Variants in TMEM131L observed in about 807,000 individuals in gnomAD.
TMEM131L encodes the protein transmembrane protein 131-like.
Under a neutral mutation model 192.2 loss-of-function variants are expected in TMEM131L, and 54 were observed. The observed-to-expected ratio is 0.28, with a 90% CI of 0.23 to 0.35. The LOEUF is 0.35. Among genes scored for constraint, TMEM131L ranks in the 10% least tolerant of loss-of-function variants. TMEM131L has a pLI of 1.00. For missense variants in TMEM131L, 1,888 were observed against 1,972.9 expected (o/e 0.96, Z 0.82); for synonymous variants, 701 against 704.9 (o/e 0.99, Z 0.09).
At chr4:153,486,738 A>G (rs1049690444) in intron 3 of TMEM131L, among the ~76,000 whole-genome samples, 1 of 152,140 alleles carries the variant, frequency 6.6e-6, no homozygotes, top group Non-Finnish European at 1.5e-5. Context: ...TTCACATCTT[A>G]CAGGTGGGTC....
At chr4:153,508,001 G>A (rs1335659396) in intron 3 of TMEM131L, among the ~76,000 whole-genome samples, 3 of 152,186 alleles carry the variant, frequency 2.0e-5, no homozygotes, top group African/African-American at 7.2e-5. Flanking sequence ...AAGACTGGAG[G>A]CAAGGAGACT....
chr4:153,601,996 G>A lies in TMEM131L; in HGVS notation c.2267-156G>A, dbSNP rs1261035998. 5 of 503,466 alleles carry A rather than the reference G, an allele frequency of 9.9e-6. No individual in the cohort carries two copies. The East Asian group carries it at 1.7e-4, about 17-fold the overall frequency. 31.2% of individuals were successfully genotyped at this position (503,466 alleles called of 1,614,324 possible). On this transcript the variant is annotated intron_variant, in intron 21 of 34. Coordinates refer to ENST00000409959, the MANE Select transcript of TMEM131L (RefSeq NM_001131007.2). ...GAATCTATAATTGTTCTAGAAATTA[G>A]GTAGAAATCATTCTTTGAGCTTATG...
At position 153,586,389 on chromosome 4, in the gene TMEM131L, A is replaced by G. The variant is rs375475458; in HGVS notation, c.1482+10A>G. 1.6e-4 allele frequency: 254 copies of G among 1,579,848 alleles called. No individual in the cohort carries two copies. Among genetic ancestry groups the G allele is most frequent in the Non-Finnish European group, 1.7e-4 (202 of 1,162,966 alleles). ...TTCAGCACCAACCAAGGTATTTTCT[A>G]CAATACTATATGTGTGTTACAGTTT... On this transcript the variant is annotated intron_variant, in intron 14 of 34. Transcript: ENST00000409959.
intron 28 of TMEM131L, 60 bp downstream of exon 28, chr4:153,621,909 A>T: frequency 6.6e-7 from 1 of 1,512,772 alleles, no homozygotes; most frequent in Non-Finnish European, 9.1e-7. Flanking sequence ...TTCCTCAATG[A>T]AGTATCTAAT....
intron 16 of TMEM131L, 53 bp from the exon 17 acceptor site, chr4:153,591,000 A>C (rs1731027928): frequency 8.0e-7 from 1 of 1,250,910 alleles, no homozygotes; most frequent in South Asian, 2.0e-5. Context: ...TTAAATATTA[A>C]ATTTTTAAAT....
intron 15 of TMEM131L, 121 bp downstream of exon 15, chr4:153,587,932 A>G (rs997900380): frequency 1.3e-6 from 1 of 762,406 alleles, no homozygotes; most frequent in African/African-American, 1.7e-5. Flanking sequence ...TTCTATAGAG[A>G]GGATGATCAT....
intron 7 of TMEM131L, among the ~76,000 whole-genome samples, chr4:153,566,589 A>AT (rs967112693): frequency 6.6e-6 from 1 of 151,650 alleles, no homozygotes; most frequent in African/African-American, 2.4e-5. Flanking sequence ...TGTCTAAGAG[A>AT]TTTTCTCTTA....
At chr4:153,581,095 T>C (rs1375258681) in intron 8 of TMEM131L, among the ~76,000 whole-genome samples, 192 bp downstream of exon 8, 11 of 152,012 alleles carry the variant, frequency 7.2e-5, no homozygotes, top group Admixed American at 7.2e-4. Flanking sequence ...CTACTAAAAA[T>C]ACAAAAAAAT....
intron 3 of TMEM131L, among the ~76,000 whole-genome samples, chr4:153,481,237 G>A (rs906364349): frequency 2.0e-5 from 3 of 152,040 alleles, no homozygotes; most frequent in Admixed American, 6.6e-5. Flanking sequence ...GCAGAAGGCC[G>A]TTACTCCTCT....
chr4:153,514,145 A>C (rs965703315), intron 3 of TMEM131L, among the ~76,000 whole-genome samples: 2 of 152,176 alleles, frequency 1.3e-5, no homozygotes, highest in Non-Finnish European at 2.9e-5. Context: ...GCCCTGGGTG[A>C]CCGTAGCCAA....
rs768388797 is a variant in TMEM131L at position 153,634,287 on chromosome 4, G to T, written c.4417+7G>T. 1.2e-5 allele frequency: 19 copies of T among 1,602,726 alleles called. No homozygotes were observed. The East Asian group carries it at 4.0e-4, about 34-fold the overall frequency. On this transcript the variant is annotated splice_region_variant and intron_variant, in intron 33 of 34. Transcript: ENST00000409959. ...TACAATGCCTTTCCAGAAGGTAAGGGCTCTTCAGACAATCCCAACGCCATT... is the reference window on the plus strand; with the variant it reads ...TACAATGCCTTTCCAGAAGGTAAGGTCTCTTCAGACAATCCCAACGCCATT...
At chr4:153,573,767 G>T (rs945556545) in intron 7 of TMEM131L, among the ~76,000 whole-genome samples, 4 of 152,106 alleles carry the variant, frequency 2.6e-5, no homozygotes, top group African/African-American at 9.7e-5. Flanking sequence ...GAAATAAAAA[G>T]AACTTGAAGT....
intron 7 of TMEM131L, among the ~76,000 whole-genome samples, chr4:153,565,337 A>G (rs1029309821): frequency 1.3e-5 from 2 of 152,196 alleles, no homozygotes; most frequent in African/African-American, 4.8e-5. Context: ...CATAACATCT[A>G]AGATTTGTAT....
intron 4 of TMEM131L, 130 bp downstream of exon 4, chr4:153,550,271 C>T (rs1382805774): frequency 2.2e-6 from 1 of 461,926 alleles, no homozygotes. Flanking sequence ...GATCCTGGGA[C>T]TTAAGAGAAA....
chr4:153,552,839 A>C (rs1043006631), intron 4 of TMEM131L, among the ~76,000 whole-genome samples: 38 of 152,126 alleles, frequency 2.5e-4, no homozygotes, highest in African/African-American at 9.2e-4. Context: ...GTCTCAAAAA[A>C]ACAAAAACAA....
At chr4:153,534,417 A>T (rs1224531017) in intron 3 of TMEM131L, among the ~76,000 whole-genome samples, 1 of 151,892 alleles carries the variant, frequency 6.6e-6, no homozygotes, top group Non-Finnish European at 1.5e-5. Flanking sequence ...GATTTGAAGG[A>T]GGTGGAGGAT....
intron 7 of TMEM131L, among the ~76,000 whole-genome samples, chr4:153,560,016 C>T (rs1728745985): frequency 6.6e-6 from 1 of 152,100 alleles, no homozygotes; most frequent in South Asian, 2.1e-4. Context: ...ACCTCCACCT[C>T]CAATTTTCTC....
At chr4:153,591,554 C>A (rs1330504482) in intron 17 of TMEM131L, among the ~76,000 whole-genome samples, 1 of 152,132 alleles carries the variant, frequency 6.6e-6, no homozygotes, top group Non-Finnish European at 1.5e-5. Context: ...GGCTCCCCTC[C>A]CTGTCTACTG....
chr4:153,564,245 T>C (rs996756830), intron 7 of TMEM131L, among the ~76,000 whole-genome samples: 2 of 140,010 alleles, frequency 1.4e-5, no homozygotes, highest in Non-Finnish European at 3.0e-5. Flanking sequence ...GCTGAGATCA[T>C]CTTATTGCAC....
Sources: allele counts gnomAD v4.1 joint callset (sites outside exome capture counted in the v4.1 genomes callset), GRCh38; gene constraint gnomAD v4.1.1; transcripts MANE v1.5; gene names NCBI Gene and HGNC (gene_info 2026-07-23, HGNC 2026-07-21).